Variants in CFAP54 observed in about 807,000 individuals in gnomAD.
CFAP54 encodes cilia- and flagella-associated protein 54.
In CFAP54, 290 loss-of-function variants were observed where a neutral mutation model predicts 370.4. The observed-to-expected ratio is 0.78, with a 90% CI of 0.71 to 0.86. The LOEUF is 0.86. Ranked by LOEUF, CFAP54 falls within the 40% of genes least tolerant of loss-of-function variation. CFAP54 has a pLI of 0.00. For synonymous variants in CFAP54, 1,206 were observed against 1,236.5 expected (o/e 0.98, Z 0.52); for missense variants, 3,399 against 3,528.7 (o/e 0.96, Z 0.93).
intron 55 of CFAP54, among the ~76,000 whole-genome samples, chr12:96,744,857 C>T (rs1001436148): frequency 6.6e-6 from 1 of 152,052 alleles, no homozygotes; most frequent in East Asian, 1.9e-4. Flanking sequence ...CCTTGCTCTA[C>T]CCCCCAGTAG....
At chr12:96,635,420 G>T (rs1024682802) in intron 32 of CFAP54, among the ~76,000 whole-genome samples, 1 of 151,680 alleles carries the variant, frequency 6.6e-6, no homozygotes, top group African/African-American at 2.4e-5. Context: ...GTATCTTTTT[G>T]CTCATACCAC....
intron 56 of CFAP54, among the ~76,000 whole-genome samples, chr12:96,754,934 G>A (rs1042092923): frequency 9.2e-5 from 14 of 151,998 alleles, no homozygotes; most frequent in Non-Finnish European, 7.4e-5. Flanking sequence ...AGTAGAGATG[G>A]GGTTTCACTA....
chr12:96,643,579 T>C (rs1019860926), intron 32 of CFAP54, among the ~76,000 whole-genome samples: 1 of 152,242 alleles, frequency 6.6e-6, no homozygotes, highest in African/African-American at 2.4e-5. Flanking sequence ...GTAATTGGAC[T>C]ACTTTAAGTT....
rs138909897 is a variant in CFAP54, at chr12:96,655,973, A to G, written c.5101-1909A>G. 1.7e-3 allele frequency among the ~76,000 whole-genome samples: 253 copies of G among 152,280 alleles called. 1 individual carries two copies. The highest frequency in any genetic ancestry group is 5.9e-3 in the African/African-American group (244 of 41,552). On this transcript the variant is annotated intron_variant, in intron 36 of 67. Transcript: ENST00000524981. ...AAAATATTCATAGATTAATTAATAT[A>G]ATTTTGGGGATATAATTCAAAATAA... is the stretch of plus-strand genomic sequence containing the variant.
At position 96,860,931 on chromosome 12, in the gene CFAP54, T is replaced by C. The variant is rs1959864281; in HGVS notation, c.9284T>C (p.Ile3095Thr). 2 of 1,533,866 alleles carry C rather than the reference T, an allele frequency of 1.3e-6. No homozygotes were observed. The highest frequency in any genetic ancestry group is 8.7e-7 in the Non-Finnish European group (1 of 1,145,836). The change falls in exon 67 of 68, where the codon ATT (isoleucine) becomes ACT (threonine). Residue 3095 changes from isoleucine to threonine, a missense_variant. Physicochemically the swap from Ile to Thr is moderately conservative, Grantham distance 89. Transcript: ENST00000524981. The stretch of plus-strand genomic sequence containing the variant: ...CTTTTCAACTGGATAGTGTCAATTA[T>C]TCCCTGAATATCCTATACACGGTAA... ...GSLFNWIVSI[I>T]P
intron 25 of CFAP54, among the ~76,000 whole-genome samples, chr12:96,594,762 A>T (rs1339044083): frequency 1.3e-5 from 2 of 152,164 alleles, no homozygotes; most frequent in Non-Finnish European, 2.9e-5. Context: ...AACAACATTT[A>T]TTCAAGGCAT....
chr12:96,640,816 G>A (rs11829877), intron 32 of CFAP54, among the ~76,000 whole-genome samples: 36 of 152,230 alleles, frequency 2.4e-4, no homozygotes, highest in African/African-American at 7.9e-4. Context: ...AGAAAAACAA[G>A]CAATGGGGAA....
chr12:96,602,339 G>T (rs190750332), intron 26 of CFAP54, among the ~76,000 whole-genome samples: 3 of 152,230 alleles, frequency 2.0e-5, no homozygotes, highest in African/African-American at 7.2e-5. Context: ...TGTGATTTCT[G>T]TTCTTTTACA....
In CFAP54 at chr12:96,649,864, A is replaced by G. The variant is rs751088437; in HGVS notation, c.4691-27A>G. The G allele has an allele frequency of 3.4e-6, 5 of 1,461,258 alleles. No homozygotes were observed. The South Asian group carries it at 6.3e-5, about 19-fold the overall frequency. The allele number at this position is 1,461,258 out of a possible 1,614,324, so 90.5% of individuals were successfully genotyped here. The stretch of plus-strand genomic sequence containing the variant: ...GGAACTTAATTCTATGTTTTTAATC[A>G]TGTCATATCTTATTTTTGTACTGTA... On this transcript the variant is annotated intron_variant, in intron 34 of 67. Transcript: ENST00000524981.
chr12:96,754,901 A>G (rs567830816), intron 56 of CFAP54, among the ~76,000 whole-genome samples: 38 of 152,060 alleles, frequency 2.5e-4, no homozygotes, highest in Non-Finnish European at 3.2e-4. Context: ...GCACCACCAC[A>G]CTTGGCTAAT....
intron 47 of CFAP54, among the ~76,000 whole-genome samples, chr12:96,707,621 A>G (rs1315431525): frequency 6.6e-6 from 1 of 152,200 alleles, no homozygotes; most frequent in Admixed American, 6.5e-5. Context: ...GTGTGCCGAT[A>G]GGAATGTTTC....
intron 47 of CFAP54, among the ~76,000 whole-genome samples, 195 bp downstream of exon 47, chr12:96,704,991 T>C (rs1387527195): frequency 6.6e-6 from 1 of 152,174 alleles, no homozygotes; most frequent in Non-Finnish European, 1.5e-5. Flanking sequence ...CTGTCACTAA[T>C]GGAATGATTG....
Position 96,711,171 on chromosome 12 carries a change from GTTATT to G in CFAP54, c.6724+2370_6724+2374del, listed in dbSNP as rs780043883. 3.9e-5 allele frequency among the ~76,000 whole-genome samples: 6 copies of G among 152,118 alleles called. No individual in the cohort carries two copies. The East Asian group carries it at 9.6e-4, about 24-fold the overall frequency. Reference sequence around the variant, plus strand: ...CTAGGAATTCATCCATTTCATCTGTGTTATTTAATTTATTGGCATACAATTTTTTC... The same window carrying G: ...CTAGGAATTCATCCATTTCATCTGTGTAATTTATTGGCATACAATTTTTTC... On this transcript the variant is annotated intron_variant, in intron 48 of 67. Transcript: ENST00000524981.
At chr12:96,543,328 A>G (rs1955598344) in intron 14 of CFAP54, among the ~76,000 whole-genome samples, 1 of 152,216 alleles carries the variant, frequency 6.6e-6, no homozygotes, top group East Asian at 1.9e-4. Flanking sequence ...CATGTAATGC[A>G]TGGTAAGTTA....
chr12:96,712,833 A>C (rs1957629447), intron 48 of CFAP54, among the ~76,000 whole-genome samples: 1 of 152,178 alleles, frequency 6.6e-6, no homozygotes, highest in Non-Finnish European at 1.5e-5. Context: ...AAATAACCCA[A>C]TAGCAAAAGA....
At chr12:96,684,218 C>T (rs1670702884) in intron 40 of CFAP54, among the ~76,000 whole-genome samples, 1 of 152,188 alleles carries the variant, frequency 6.6e-6, no homozygotes, top group African/African-American at 2.4e-5. Context: ...AGGATAACAT[C>T]CACATTTCTC....
At chr12:96,512,543 A>C (rs1955185073) in intron 4 of CFAP54, among the ~76,000 whole-genome samples, 1 of 151,628 alleles carries the variant, frequency 6.6e-6, no homozygotes, top group Non-Finnish European at 1.5e-5. Context: ...GGGTTTTACC[A>C]TATTGGACAG....
intron 14 of CFAP54, among the ~76,000 whole-genome samples, chr12:96,546,541 A>C (rs1004969608): frequency 6.6e-6 from 1 of 152,100 alleles, no homozygotes; most frequent in Non-Finnish European, 1.5e-5. Context: ...AAAAATGTCT[A>C]TTTCTGGCCA....
In CFAP54 at chr12:96,839,678, T is replaced by C. The variant is rs548696013; in HGVS notation, c.9171+10590T>C. ...GCATAGTGGAGTAAGTTATTTCTGCTCCAAGATACCTGGGACATGAGGTGG... is the reference window on the plus strand; with the variant it reads ...GCATAGTGGAGTAAGTTATTTCTGCCCCAAGATACCTGGGACATGAGGTGG... On this transcript the variant is annotated intron_variant, in intron 66 of 67. Coordinates refer to ENST00000524981, the MANE Select transcript of CFAP54 (RefSeq NM_001306084.2). 2.0e-5 allele frequency among the ~76,000 whole-genome samples: 3 copies of C among 152,328 alleles called. No homozygotes were observed. The South Asian group carries it at 6.2e-4, about 32-fold the overall frequency.
Sources: allele counts gnomAD v4.1 joint callset (sites outside exome capture counted in the v4.1 genomes callset), GRCh38; gene constraint gnomAD v4.1.1; transcripts MANE v1.5; gene names NCBI Gene and HGNC (gene_info 2026-07-23, HGNC 2026-07-21).